The following ASIC2 variants were observed in gnomAD, a reference collection of about 807,000 sequenced individuals.
ASIC2 encodes the protein acid sensing ion channel subunit 2, also known as acid-sensing ion channel 2.
Under a neutral mutation model 57.3 loss-of-function variants are expected in ASIC2, and 25 were observed. The ratio of observed to expected loss-of-function variants is 0.44; its 90% CI spans 0.32 to 0.61. ASIC2 has a LOEUF of 0.61. ASIC2 is among the 20% of genes least tolerant of loss of function. ASIC2 has a pLI of 0.06. For synonymous variants in ASIC2, 319 were observed against 307.5 expected, an observed-to-expected ratio of 1.04 and a Z score of -0.39; for missense variants, 641 against 738.1, an observed-to-expected ratio of 0.87 and a Z score of 1.52.
chr17:33,122,769 C>T (rs1431817167), intron 1 of ASIC2, among the ~76,000 whole-genome samples: 1 of 152,188 alleles, frequency 6.6e-6, no homozygotes, highest in Non-Finnish European at 1.5e-5. Context: ...GGACTCGTTC[C>T]TCCTGTCTAA....
chr17:33,065,298 C>A (rs2881392), intron 3 of ASIC2, among the ~76,000 whole-genome samples: 138,009 of 151,826 alleles, frequency 0.91, 62,760 homozygotes, highest in East Asian at 0.96. Flanking sequence ...CATCTCAGCC[C>A]CCTGAGTAGC....
At chr17:33,970,415 C>T (rs1194578144) in intron 1 of ASIC2, among the ~76,000 whole-genome samples, 3 of 152,324 alleles carry the variant, frequency 2.0e-5, no homozygotes, top group Middle Eastern at 3.4e-3. Flanking sequence ...GAACACATCC[C>T]AGAGACAGGC....
At chr17:33,572,829 C>A (rs937185798) in intron 1 of ASIC2, among the ~76,000 whole-genome samples, 1 of 152,206 alleles carries the variant, frequency 6.6e-6, no homozygotes, top group Non-Finnish European at 1.5e-5. Context: ...TGCTCCATAG[C>A]CTGGCCTGGC....
intron 1 of ASIC2, among the ~76,000 whole-genome samples, chr17:33,893,795 C>T (rs969011239): frequency 1.3e-5 from 2 of 152,192 alleles, no homozygotes; most frequent in Admixed American, 6.5e-5. Context: ...TTCAATGATG[C>T]TACATATGGC....
chr17:33,310,405 C>G (rs1906361712), intron 1 of ASIC2, among the ~76,000 whole-genome samples: 1 of 152,150 alleles, frequency 6.6e-6, no homozygotes, highest in Non-Finnish European at 1.5e-5. Context: ...TTATACACAT[C>G]TAGGCTGATC....
chr17:34,101,322 C>T (rs1044997206), intron 1 of ASIC2, among the ~76,000 whole-genome samples: 2 of 152,184 alleles, frequency 1.3e-5, no homozygotes, highest in African/African-American at 4.8e-5. Flanking sequence ...AAACAGTACT[C>T]AGACCTTTAG....
intron 1 of ASIC2, among the ~76,000 whole-genome samples, chr17:33,218,284 G>C (rs776498410): frequency 1.3e-5 from 2 of 152,060 alleles, no homozygotes; most frequent in East Asian, 1.9e-4. Context: ...CTGATGCTGC[G>C]GGGCAGGCCC....
intron 1 of ASIC2, among the ~76,000 whole-genome samples, chr17:33,615,685 C>A (rs890651683): frequency 7.2e-5 from 11 of 152,110 alleles, no homozygotes; most frequent in Admixed American, 6.5e-4. Flanking sequence ...ACCTATCAAC[C>A]CATCACCTAG....
At position 33,884,498 on chromosome 17, in the gene ASIC2, C is replaced by A. The variant is rs1597916067; in HGVS notation, c.555+271480G>T. ...GATCCTGATGGATTCAGACTCTGAA[C>A]TTTAGTGGCAGCTAAGATGTCTTCC... On this transcript the variant is annotated intron_variant, in intron 1 of 9. Transcript: ENST00000359872. Among the ~76,000 whole-genome samples the A allele has an allele frequency of 2.0e-5, 3 of 152,238 alleles. No homozygotes were observed. The Middle Eastern group carries it at 0.01, about 518-fold the overall frequency.
intron 1 of ASIC2, among the ~76,000 whole-genome samples, chr17:33,155,147 A>C (rs1246130049): frequency 6.6e-6 from 1 of 152,242 alleles, no homozygotes; most frequent in African/African-American, 2.4e-5. Context: ...GTTTGCTGTA[A>C]GGAGCCTGTA....
At chr17:33,730,167 CT>C (rs1244602788) in intron 1 of ASIC2, among the ~76,000 whole-genome samples, 1 of 152,174 alleles carries the variant, frequency 6.6e-6, no homozygotes, top group African/African-American at 2.4e-5. Context: ...GAATGGATAA[CT>C]AAAAAAGTGT....
intron 1 of ASIC2, among the ~76,000 whole-genome samples, chr17:33,605,442 G>T (rs1905208616): frequency 6.6e-6 from 1 of 152,170 alleles, no homozygotes. Flanking sequence ...AAAGATAGTA[G>T]TTTTTATCAC....
chr17:33,208,321 C>A (rs1223425919), intron 1 of ASIC2, among the ~76,000 whole-genome samples: 1 of 152,156 alleles, frequency 6.6e-6, no homozygotes. Context: ...CTTAAATCCC[C>A]TCCCCTGGCC....
At chr17:34,090,775 CAG>C (rs1223676836) in intron 1 of ASIC2, among the ~76,000 whole-genome samples, 1 of 152,178 alleles carries the variant, frequency 6.6e-6, no homozygotes, top group African/African-American at 2.4e-5. Flanking sequence ...AGTACTCAGC[CAG>C]AGAGACTATG....
chr17:33,664,634 T>A (rs1907411325), intron 1 of ASIC2, among the ~76,000 whole-genome samples: 1 of 152,120 alleles, frequency 6.6e-6, no homozygotes, highest in African/African-American at 2.4e-5. Context: ...TCCCCGAGCA[T>A]CCAGAGAAGA....
intron 1 of ASIC2, among the ~76,000 whole-genome samples, chr17:33,123,868 A>G (rs965509986): frequency 2.6e-5 from 4 of 152,194 alleles, no homozygotes; most frequent in Non-Finnish European, 5.9e-5. Flanking sequence ...GTGGAATGGG[A>G]GAAGGAAGAA....
In ASIC2 at chr17:33,480,818, T is replaced by G. The variant is rs538699575; in HGVS notation, c.556-368751A>C. On this transcript the variant is annotated intron_variant, in intron 1 of 9. Transcript: ENST00000359872. ...AGCCACCCACTCTCAAGGCCACACC[T>G]TGGACCTGACCATCACCAGGAGAGG... 2.6e-5 allele frequency among the ~76,000 whole-genome samples: 4 copies of G among 152,248 alleles called. No homozygotes were observed. In the East Asian group the frequency reaches 7.7e-4, roughly 29 times the overall value.
chr17:33,169,687 T>G (rs1219521162), intron 1 of ASIC2, among the ~76,000 whole-genome samples: 1 of 152,196 alleles, frequency 6.6e-6, no homozygotes, highest in Non-Finnish European at 1.5e-5. Flanking sequence ...TTTGAGCTCA[T>G]GGAGGTGACT....
Position 33,292,646 on chromosome 17 carries a change from A to T in ASIC2, c.-531T>A, listed in dbSNP as rs541551437. 5.1e-6 allele frequency: 5 copies of T among 985,558 alleles called. No individual in the cohort carries two copies. The highest frequency in any genetic ancestry group is 6.0e-6 in the Non-Finnish European group (5 of 830,160). 61.1% of individuals were successfully genotyped at this position (985,558 alleles called of 1,614,324 possible). On this transcript the variant is annotated 5_prime_UTR_variant, in exon 1 of 10. Coordinates refer to ENST00000225823, the MANE Select transcript of ASIC2 (RefSeq NM_183377.2). ...GCCCGTAGCCCAGCGGTGCTGGGAC[A>T]CGGGAGAGAAGGCGCCAAGGAACGA...
Sources: gnomAD v4.1 joint callset for allele counts (sites outside exome capture counted in the v4.1 genomes callset) on GRCh38, gnomAD v4.1.1 for gene constraint, MANE v1.5 for transcripts, NCBI Gene and HGNC (gene_info 2026-07-23, HGNC 2026-07-21) for gene names.